ADAMTS19: variants seen among roughly 807,000 people sequenced by gnomAD.
ADAMTS19 encodes A disintegrin and metalloproteinase with thrombospondin motifs 19.
A neutral mutation model predicts 153.3 loss-of-function variants in ADAMTS19; 93 were observed. The observed-to-expected ratio is 0.61, with a 90% CI of 0.51 to 0.72. The LOEUF (loss-of-function observed/expected upper bound fraction) is 0.72, where lower values mean the gene tolerates loss of function less well. Among genes scored for constraint, ADAMTS19 ranks in the 30% least tolerant of loss-of-function variants. The probability of loss-of-function intolerance (pLI) is 0.00; values close to 1 mark genes in which losing one functional copy is unlikely to be tolerated. For missense variants in ADAMTS19, 1,482 were observed against 1,552.1 expected, an observed-to-expected ratio of 0.95 and a Z score of 0.76; for synonymous variants, 600 against 556.6, an observed-to-expected ratio of 1.08 and a Z score of -1.10.
chr5:129,532,919 A>G (rs1752262428), intron 6 of ADAMTS19, among the ~76,000 whole-genome samples: 1 of 152,160 alleles, frequency 6.6e-6, no homozygotes, highest in African/African-American at 2.4e-5. Context: ...CCTTGTCAAC[A>G]TGGTAAAACC....
In ADAMTS19 at chr5:129,606,784, A is replaced by T. The variant is rs76625501; in HGVS notation, c.1478+10120A>T. ...CCTTTATTCATTTTTTTATTATCCC[A>T]ACTTCCAGCACTAATGATTTATACC... On this transcript the variant is annotated intron_variant, in intron 8 of 22. Transcript: ENST00000274487. Among the ~76,000 whole-genome samples, 1,338 of 152,288 alleles carry T rather than the reference A, an allele frequency of 8.8e-3. 8 individuals are homozygous for T. Among genetic ancestry groups the T allele is most frequent in the Non-Finnish European group, 0.01 (701 of 68,014 alleles).
intron 8 of ADAMTS19, among the ~76,000 whole-genome samples, chr5:129,615,794 G>A (rs1264272015): frequency 6.6e-6 from 1 of 151,928 alleles, no homozygotes; most frequent in African/African-American, 2.4e-5. Flanking sequence ...GTAAGTAGTA[G>A]AGGTTTAAGG....
rs533554120 is a variant in ADAMTS19 at position 129,542,214 on chromosome 5, A to G, written c.1329-9650A>G. Among the ~76,000 whole-genome samples the G allele has an allele frequency of 2.6e-5, 4 of 152,272 alleles. No homozygotes were observed. The Middle Eastern group carries it at 0.01, about 388-fold the overall frequency. On this transcript the variant is annotated intron_variant, in intron 6 of 22. Transcript: ENST00000274487. ...GAGGAAAGCTCTAGGCATCTCATCT[A>G]CTGAGTTTGGATGATTCAGAGCCAT...
intron 1 of ADAMTS19, 150 bp downstream of exon 1, chr5:129,460,632 G>T: frequency 1.3e-6 from 1 of 789,278 alleles, no homozygotes; most frequent in South Asian, 1.6e-5. Flanking sequence ...AGGTTAAGGG[G>T]TCAAGTTCGG....
intron 6 of ADAMTS19, among the ~76,000 whole-genome samples, chr5:129,533,461 G>A (rs1441829718): frequency 6.6e-6 from 1 of 151,986 alleles, no homozygotes; most frequent in Non-Finnish European, 1.5e-5. Flanking sequence ...ATCTTTTATT[G>A]CGTCTATTTG....
At chr5:129,587,143 T>C (rs1423344761) in intron 7 of ADAMTS19, among the ~76,000 whole-genome samples, 1 of 152,130 alleles carries the variant, frequency 6.6e-6, no homozygotes, top group African/African-American at 2.4e-5. Context: ...AATTTACTGA[T>C]TATCAACTAC....
At chr5:129,559,250 A>G (rs1478003762) in intron 7 of ADAMTS19, among the ~76,000 whole-genome samples, 3 of 152,110 alleles carry the variant, frequency 2.0e-5, no homozygotes, top group Non-Finnish European at 2.9e-5. Flanking sequence ...AATACATGTA[A>G]CCAACAAAGT....
At chr5:129,630,232 ATAT>A (rs1252901327) in intron 10 of ADAMTS19, among the ~76,000 whole-genome samples, 1 of 152,084 alleles carries the variant, frequency 6.6e-6, no homozygotes, top group Non-Finnish European at 1.5e-5. Flanking sequence ...CACCAACCTA[ATAT>A]TATGAAGAAC....
At chr5:129,608,940 G>T (rs1173471324) in intron 8 of ADAMTS19, among the ~76,000 whole-genome samples, 1 of 151,722 alleles carries the variant, frequency 6.6e-6, no homozygotes, top group Non-Finnish European at 1.5e-5. Flanking sequence ...ATGGGAAATA[G>T]ATGAAATAAG....
At chr5:129,693,130 G>A (rs367747894) in intron 18 of ADAMTS19, among the ~76,000 whole-genome samples, 9 of 152,116 alleles carry the variant, frequency 5.9e-5, no homozygotes, top group Non-Finnish European at 1.3e-4. Flanking sequence ...ACAAATTGCG[G>A]TAGGACTATG....
At chr5:129,688,035 T>G (rs868723428) in intron 18 of ADAMTS19, 1 of 152,172 alleles carries the variant, frequency 6.6e-6, no homozygotes, top group African/African-American at 2.4e-5. Flanking sequence ...GTTAATGGGG[T>G]GCATATTCAT....
intron 21 of ADAMTS19, among the ~76,000 whole-genome samples, chr5:129,709,674 A>C (rs1211289766): frequency 1.3e-5 from 2 of 152,178 alleles, no homozygotes; most frequent in Non-Finnish European, 2.9e-5. Flanking sequence ...TGCAAGATCA[A>C]AGAAACAACA....
intron 21 of ADAMTS19, among the ~76,000 whole-genome samples, chr5:129,716,084 T>C (rs571903586): frequency 1.3e-5 from 2 of 152,190 alleles, no homozygotes; most frequent in Non-Finnish European, 2.9e-5. Flanking sequence ...TGATGGGGAC[T>C]GAATCAGAGG....
intron 2 of ADAMTS19, among the ~76,000 whole-genome samples, chr5:129,474,052 C>T (rs1384008786): frequency 6.6e-6 from 1 of 152,064 alleles, no homozygotes; most frequent in African/African-American, 2.4e-5. Context: ...CCCTCATCCC[C>T]ATCTGCAGTC....
chr5:129,718,924 G>A (rs999610369), intron 21 of ADAMTS19, among the ~76,000 whole-genome samples: 71 of 152,122 alleles, frequency 4.7e-4, no homozygotes, highest in Non-Finnish European at 2.2e-4. Context: ...AATGAGTAAA[G>A]CATAACAGAG....
At chr5:129,612,244 G>A (rs572549251) in intron 8 of ADAMTS19, among the ~76,000 whole-genome samples, 8 of 150,606 alleles carry the variant, frequency 5.3e-5, no homozygotes, top group Admixed American at 2.0e-4. Flanking sequence ...TTGTCCTTGC[G>A]ATAGTTTGCT....
chr5:129,713,628 G>A (rs1036030862), intron 21 of ADAMTS19, among the ~76,000 whole-genome samples: 1 of 152,098 alleles, frequency 6.6e-6, no homozygotes, highest in Non-Finnish European at 1.5e-5. Flanking sequence ...AGTGATGGTG[G>A]TACATACATG....
chr5:129,725,929 T>C (rs1364236110), intron 21 of ADAMTS19, among the ~76,000 whole-genome samples: 5 of 152,132 alleles, frequency 3.3e-5, no homozygotes, highest in Admixed American at 1.3e-4. Flanking sequence ...TTTCCTTAGG[T>C]AGATTTAATT....
Position 129,462,616 on chromosome 5 carries a change from T to TG in ADAMTS19, c.747+866dup, listed in dbSNP as rs200674811. Among the ~76,000 whole-genome samples the TG allele has an allele frequency of 5.6e-3, 827 of 148,980 alleles. 11 individuals are homozygous for TG. The highest frequency in any genetic ancestry group is 0.018 in the African/African-American group (735 of 39,892). On this transcript the variant is annotated intron_variant, in intron 2 of 22. Coordinates refer to ENST00000274487, the MANE Select transcript of ADAMTS19 (RefSeq NM_133638.6). ...GTTGACCTTTGTGTGTGTGTGTGTG[T>TG]GGGGGGGTCAAATATGCATAACATA...
Sources: gnomAD v4.1 joint callset for allele counts (sites outside exome capture counted in the v4.1 genomes callset) on GRCh38, gnomAD v4.1.1 for gene constraint, MANE v1.5 for transcripts, NCBI Gene and HGNC (gene_info 2026-07-23, HGNC 2026-07-21) for gene names.